The following ERC1 variants were observed in gnomAD, a reference collection of about 807,000 sequenced individuals.
ERC1 encodes ELKS/RAB6-interacting/CAST family member 1, also known as RAB6 interacting protein 2.
Under a neutral mutation model 132.0 loss-of-function variants are expected in ERC1, and 56 were observed. The observed-to-expected ratio is 0.42, with a 90% CI of 0.34 to 0.53. The LOEUF (loss-of-function observed/expected upper bound fraction) is 0.53. ERC1 is among the 20% of genes least tolerant of loss of function. ERC1 has a pLI of 0.03. For missense variants in ERC1, 1,202 were observed against 1,349.9 expected, an observed-to-expected ratio of 0.89 and a Z score of 1.72; for synonymous variants, 478 against 476.1, an observed-to-expected ratio of 1.00 and a Z score of -0.05.
At chr12:1,084,492 T>A (rs1942681501) in intron 3 of ERC1, among the ~76,000 whole-genome samples, 1 of 152,190 alleles carries the variant, frequency 6.6e-6, no homozygotes, top group Non-Finnish European at 1.5e-5. Context: ...GTCTGAAATC[T>A]TTTTTAACAG....
intron 16 of ERC1, among the ~76,000 whole-genome samples, chr12:1,378,772 C>A (rs2088254019): frequency 6.6e-6 from 1 of 152,156 alleles, no homozygotes; most frequent in African/African-American, 2.4e-5. Flanking sequence ...CTTACGGAGT[C>A]AGGAAGTTAA....
chr12:1,073,232 C>T (rs929868359), intron 2 of ERC1, among the ~76,000 whole-genome samples: 3 of 151,724 alleles, frequency 2.0e-5, no homozygotes, highest in African/African-American at 4.8e-5. Context: ...ACCCAGAAGA[C>T]GGAGGTTGCA....
At chr12:1,225,209 A>G (rs1232941398) in intron 12 of ERC1, among the ~76,000 whole-genome samples, 1 of 152,020 alleles carries the variant, frequency 6.6e-6, no homozygotes, top group Non-Finnish European at 1.5e-5. Context: ...CTGTAATCTC[A>G]GCAACTCAGG....
At chr12:1,482,893 A>C (rs2094120507) in intron 18 of ERC1, among the ~76,000 whole-genome samples, 1 of 152,108 alleles carries the variant, frequency 6.6e-6, no homozygotes, top group African/African-American at 2.4e-5. Context: ...CCCCAAAGGG[A>C]AGCCCCCACC....
At chr12:1,367,437 G>A (rs1279387693) in intron 15 of ERC1, among the ~76,000 whole-genome samples, 1 of 152,106 alleles carries the variant, frequency 6.6e-6, no homozygotes, top group East Asian at 1.9e-4. Flanking sequence ...CTTGGTAACA[G>A]CCCTTCATTC....
intron 15 of ERC1, among the ~76,000 whole-genome samples, chr12:1,350,653 C>T (rs914561233): frequency 2.5e-4 from 38 of 152,200 alleles, no homozygotes; most frequent in African/African-American, 8.9e-4. Context: ...TAGGGACTTA[C>T]AGTTCTAGAG....
At chr12:1,351,747 C>T (rs1438195882) in intron 15 of ERC1, among the ~76,000 whole-genome samples, 1 of 151,762 alleles carries the variant, frequency 6.6e-6, no homozygotes, top group East Asian at 1.9e-4. Flanking sequence ...TTAATACATG[C>T]AGTGTATCAT....
At chr12:1,332,050 T>G (rs2082905733) in intron 15 of ERC1, among the ~76,000 whole-genome samples, 1 of 152,206 alleles carries the variant, frequency 6.6e-6, no homozygotes, top group Non-Finnish European at 1.5e-5. Flanking sequence ...GGTCATTTCC[T>G]TTCCTTCATT....
At chr12:1,098,249 T>C (rs963100704) in intron 3 of ERC1, among the ~76,000 whole-genome samples, 1 of 152,230 alleles carries the variant, frequency 6.6e-6, no homozygotes, top group African/African-American at 2.4e-5. Context: ...AATTTTATGA[T>C]AGTTTATGAC....
At chr12:1,313,003 T>C (rs540955887) in intron 15 of ERC1, among the ~76,000 whole-genome samples, 2 of 152,224 alleles carry the variant, frequency 1.3e-5, no homozygotes, top group East Asian at 1.9e-4. Context: ...GATGCTCCTA[T>C]TGCAATAAAA....
At chr12:1,000,626 G>T (rs1403974818) in intron 1 of ERC1, among the ~76,000 whole-genome samples, 3 of 152,184 alleles carry the variant, frequency 2.0e-5, no homozygotes, top group Non-Finnish European at 4.4e-5. Flanking sequence ...AGCTGGGTGT[G>T]GTGGTGTGTG....
intron 15 of ERC1, among the ~76,000 whole-genome samples, chr12:1,360,043 C>A (rs1345401257): frequency 2.6e-5 from 4 of 151,882 alleles, no homozygotes; most frequent in Non-Finnish European, 5.9e-5. Context: ...CAGTAAATAC[C>A]AAATGAGCAG....
intron 16 of ERC1, among the ~76,000 whole-genome samples, chr12:1,377,104 A>T (rs2154376748): frequency 6.6e-6 from 1 of 152,278 alleles, no homozygotes; most frequent in East Asian, 1.9e-4. Flanking sequence ...CCTAATCACT[A>T]AGTTCTTGAT....
At chr12:1,003,096 C>CAAAAAA (rs59507923) in intron 1 of ERC1, among the ~76,000 whole-genome samples, 7 of 86,914 alleles carry the variant, frequency 8.1e-5, no homozygotes, top group Admixed American at 1.5e-4. Flanking sequence ...ATGAAAAATG[C>CAAAAAA]AAAAAAAAAA....
intron 17 of ERC1, among the ~76,000 whole-genome samples, chr12:1,424,851 TAGATAGATAGATC>T (rs1565411272): frequency 2.5e-3 from 305 of 122,246 alleles, no homozygotes; most frequent in African/African-American, 7.4e-3. Flanking sequence ...AGATGATAGA[TAGATAGATAGATC>T]GATAGATAGA....
intron 12 of ERC1, among the ~76,000 whole-genome samples, chr12:1,234,572 G>C (rs771721093): frequency 6.6e-6 from 1 of 152,208 alleles, no homozygotes; most frequent in African/African-American, 2.4e-5. Context: ...TAGTTGGTTG[G>C]TTGGTTTGGT....
intron 2 of ERC1, among the ~76,000 whole-genome samples, chr12:1,038,075 T>C (rs889013902): frequency 1.3e-5 from 2 of 151,856 alleles, no homozygotes; most frequent in African/African-American, 4.8e-5. Flanking sequence ...AAAAAAACTA[T>C]TTCCATTTGA....
At chr12:1,374,103 G>A (rs146144945) in intron 16 of ERC1, among the ~76,000 whole-genome samples, 2 of 152,324 alleles carry the variant, frequency 1.3e-5, no homozygotes, top group Non-Finnish European at 2.9e-5. Flanking sequence ...GGACAAGGGA[G>A]AGGCCTTTTG....
In ERC1 at chr12:1,074,578, G is replaced by C. The variant is rs534032391; in HGVS notation, c.670-8586G>C. Among the ~76,000 whole-genome samples the C allele has an allele frequency of 5.9e-5, 9 of 152,308 alleles. 1 individual carries two copies. The highest frequency in any genetic ancestry group is 1.3e-4 in the Non-Finnish European group (9 of 68,022). ...CCCAGAGTGCTGGGATTACAGGCAT[G>C]AGCCACTGCACCCGACCACATTTTC... On this transcript the variant is annotated intron_variant, in intron 2 of 18. Transcript: ENST00000360905.
Sources: gnomAD v4.1 joint callset for allele counts (sites outside exome capture counted in the v4.1 genomes callset) on GRCh38, gnomAD v4.1.1 for gene constraint, MANE v1.5 for transcripts, NCBI Gene and HGNC (gene_info 2026-07-23, HGNC 2026-07-21) for gene names.